Variants in CHCHD6 observed in about 807,000 individuals in gnomAD.
The protein encoded by CHCHD6 is MICOS complex subunit MIC25.
A neutral mutation model predicts 32.3 loss-of-function variants in CHCHD6; 28 were observed. That is an observed-to-expected ratio of 0.87 (90% CI 0.64 to 1.19). The LOEUF (loss-of-function observed/expected upper bound fraction) is 1.19, where lower values mean the gene tolerates loss of function less well. CHCHD6 is among the 50% of genes most tolerant of loss of function. The probability of loss-of-function intolerance (pLI) is 0.00; values close to 1 mark genes in which losing one functional copy is unlikely to be tolerated. For synonymous variants in CHCHD6, 122 were observed against 117.5 expected (o/e 1.04, Z -0.25); for missense variants, 333 against 307.0 (o/e 1.08, Z -0.63).
At chr3:126,906,035 G>A (rs2078000630) in intron 5 of CHCHD6, among the ~76,000 whole-genome samples, 1 of 152,164 alleles carries the variant, frequency 6.6e-6, no homozygotes, top group Non-Finnish European at 1.5e-5. Context: ...CCAGGGCCAA[G>A]CTTCCTGAGT....
intron 2 of CHCHD6, 32 bp from the exon 3 acceptor site, chr3:126,730,529 C>G (rs1461386409): frequency 1.2e-6 from 2 of 1,602,690 alleles, no homozygotes; most frequent in Admixed American, 3.4e-5. Context: ...TGGGGTGCCA[C>G]TGACAGGCCC....
chr3:126,826,362 G>A (rs1940392020), intron 4 of CHCHD6, among the ~76,000 whole-genome samples: 1 of 152,162 alleles, frequency 6.6e-6, no homozygotes, highest in Non-Finnish European at 1.5e-5. Context: ...AGTCATGTGT[G>A]GATTGTGAGT....
intron 2 of CHCHD6, among the ~76,000 whole-genome samples, chr3:126,729,453 G>C (rs913938865): frequency 6.6e-6 from 1 of 152,120 alleles, no homozygotes; most frequent in Non-Finnish European, 1.5e-5. Context: ...TGGCAGCCCC[G>C]TTATTTTTGT....
chr3:126,802,440 G>A (rs898947886), intron 4 of CHCHD6, among the ~76,000 whole-genome samples: 85 of 152,302 alleles, frequency 5.6e-4, no homozygotes, highest in African/African-American at 2.0e-3. Flanking sequence ...GAGCTGATGC[G>A]ATCAACTGGA....
At chr3:126,803,189 G>A (rs950870244) in intron 4 of CHCHD6, among the ~76,000 whole-genome samples, 1 of 151,732 alleles carries the variant, frequency 6.6e-6, no homozygotes, top group Admixed American at 6.6e-5. Context: ...ACATCATAAT[G>A]ACAGGATCAA....
intron 6 of CHCHD6, among the ~76,000 whole-genome samples, chr3:126,947,203 T>C (rs73209655): frequency 0.013 from 2,033 of 152,346 alleles, 18 homozygotes; most frequent in African/African-American, 0.024. Context: ...TCTGCCAGGC[T>C]GGTCTCATGA....
intron 6 of CHCHD6, among the ~76,000 whole-genome samples, chr3:126,924,782 T>G (rs148877126): frequency 4.6e-5 from 7 of 152,348 alleles, no homozygotes; most frequent in African/African-American, 1.7e-4. Flanking sequence ...GAGCTGTGAT[T>G]CTGGGTGAAG....
intron 5 of CHCHD6, among the ~76,000 whole-genome samples, chr3:126,883,053 T>G (rs1485042916): frequency 6.6e-6 from 1 of 152,190 alleles, no homozygotes; most frequent in African/African-American, 2.4e-5. Context: ...CTTGCCTACA[T>G]AATGAAGCCT....
At chr3:126,724,609 A>T (rs1426570899) in intron 1 of CHCHD6, among the ~76,000 whole-genome samples, 1 of 152,194 alleles carries the variant, frequency 6.6e-6, no homozygotes, top group Admixed American at 6.5e-5. Flanking sequence ...GAAGTTTGCC[A>T]CATCGATCAA....
At chr3:126,853,355 GA>G (rs1447973890) in intron 5 of CHCHD6, among the ~76,000 whole-genome samples, 4 of 151,246 alleles carry the variant, frequency 2.6e-5, no homozygotes, top group Non-Finnish European at 5.9e-5. Context: ...ATTTTTCAAA[GA>G]AATGGCTTAA....
intron 6 of CHCHD6, among the ~76,000 whole-genome samples, chr3:126,931,224 A>G (rs1418293216): frequency 1.3e-5 from 2 of 152,152 alleles, no homozygotes; most frequent in Non-Finnish European, 2.9e-5. Context: ...GAAAGAGTTG[A>G]GGTTCTTTGT....
chr3:126,949,451 T>C (rs1381164434), intron 6 of CHCHD6: 1 of 207,700 alleles, frequency 4.8e-6, no homozygotes, highest in Non-Finnish European at 9.6e-6. Context: ...GGACTCCTGC[T>C]GTGGACGAAA....
Position 126,711,547 on chromosome 3 carries a change from G to A in CHCHD6, c.87+7148G>A, listed in dbSNP as rs972612355. On this transcript the variant is annotated intron_variant, in intron 1 of 7. Coordinates refer to ENST00000290913, the MANE Select transcript of CHCHD6 (RefSeq NM_032343.3). ...CTTTTTGGTTGCAGCATTCATCTTA[G>A]TTGACTCACTTAAAGGCAGTGTGGG... Among the ~76,000 whole-genome samples, 5 of 152,180 alleles carry A rather than the reference G, an allele frequency of 3.3e-5. No homozygotes were observed. The East Asian group carries it at 9.6e-4, about 29-fold the overall frequency.
At chr3:126,740,036 G>T (rs760254165) in intron 4 of CHCHD6, among the ~76,000 whole-genome samples, 1 of 152,212 alleles carries the variant, frequency 6.6e-6, no homozygotes, top group Non-Finnish European at 1.5e-5. Flanking sequence ...AGGTTGAGTA[G>T]CCTAGTTGAG....
At chr3:126,799,989 G>A (rs1938987527) in intron 4 of CHCHD6, among the ~76,000 whole-genome samples, 1 of 152,060 alleles carries the variant, frequency 6.6e-6, no homozygotes, top group South Asian at 2.1e-4. Context: ...AATTGGATAT[G>A]CATAATTTAT....
chr3:126,882,510 G>T (rs921699011), intron 5 of CHCHD6, among the ~76,000 whole-genome samples: 2 of 152,192 alleles, frequency 1.3e-5, no homozygotes, highest in Non-Finnish European at 1.5e-5. Flanking sequence ...AGATATTTAT[G>T]AATTAATTTC....
chr3:126,939,652 C>T (rs1049903627), intron 6 of CHCHD6, among the ~76,000 whole-genome samples: 1 of 152,222 alleles, frequency 6.6e-6, no homozygotes, highest in African/African-American at 2.4e-5. Flanking sequence ...CTCTCACATA[C>T]CTCGGCAGAC....
At chr3:126,903,623 A>AC (rs536871558) in intron 5 of CHCHD6, among the ~76,000 whole-genome samples, 24 of 152,186 alleles carry the variant, frequency 1.6e-4, no homozygotes, top group Non-Finnish European at 3.2e-4. Context: ...AAATGTAAAA[A>AC]CCAACTACCC....
chr3:126,771,837 CTT>C (rs1937548501), intron 4 of CHCHD6, among the ~76,000 whole-genome samples: 2 of 152,240 alleles, frequency 1.3e-5, no homozygotes, highest in Admixed American at 1.3e-4. Flanking sequence ...TATGTTGTAT[CTT>C]TGTTCTCATT....
Sources: gnomAD v4.1 joint callset for allele counts (sites outside exome capture counted in the v4.1 genomes callset) on GRCh38, gnomAD v4.1.1 for gene constraint, MANE v1.5 for transcripts, NCBI Gene and HGNC (gene_info 2026-07-23, HGNC 2026-07-21) for gene names.